Variants in CACNA1H observed in about 807,000 individuals in gnomAD.
The protein encoded by CACNA1H is calcium voltage-gated channel subunit alpha1 H, also known as voltage-dependent T-type calcium channel subunit alpha-1H.
A neutral mutation model predicts 192.5 loss-of-function variants in CACNA1H; 149 were observed. That is an observed-to-expected ratio of 0.77 (90% CI 0.68 to 0.89). The LOEUF (loss-of-function observed/expected upper bound fraction) is 0.89, where lower values mean the gene tolerates loss of function less well. Among genes scored for constraint, CACNA1H ranks in the 40% least tolerant of loss-of-function variants. The pLI, the probability that CACNA1H is intolerant of heterozygous loss-of-function variation, is 0.00. For missense variants in CACNA1H, 4,257 were observed against 3,423.5 expected, an observed-to-expected ratio of 1.24 and a Z score of -6.08; for synonymous variants, 2,202 against 1,475.2, an observed-to-expected ratio of 1.49 and a Z score of -11.29.
chr16:1,158,471 C>G (rs1340474869), intron 2 of CACNA1H, among the ~76,000 whole-genome samples: 1 of 152,140 alleles, frequency 6.6e-6, no homozygotes, highest in Non-Finnish European at 1.5e-5. Flanking sequence ...GTCTGCCGAG[C>G]GCCTGTCGTA....
At chr16:1,185,493 C>A (rs1965897052) in intron 2 of CACNA1H, among the ~76,000 whole-genome samples, 1 of 145,176 alleles carries the variant, frequency 6.9e-6, no homozygotes, top group African/African-American at 2.8e-5. Flanking sequence ...ACGCTGCCAT[C>A]TGCAGAGTCC....
At chr16:1,185,588 T>G in intron 2 of CACNA1H, among the ~76,000 whole-genome samples, 2 of 76,646 alleles carry the variant, frequency 2.6e-5, no homozygotes, top group Non-Finnish European at 5.1e-5. Flanking sequence ...GGCGGGTGAG[T>G]AGACGGTCAG....
At chr16:1,164,903 C>T (rs867586553) in intron 2 of CACNA1H, among the ~76,000 whole-genome samples, 14 of 152,232 alleles carry the variant, frequency 9.2e-5, no homozygotes, top group African/African-American at 2.9e-4. Flanking sequence ...TGGGTCGAGT[C>T]GCCCCTTTTG....
At position 1,215,363 on chromosome 16, in the gene CACNA1H, C is replaced by T. The variant is rs778448413; in HGVS notation, c.5161C>T (p.Arg1721Cys). The change falls in exon 29 of 35, where the codon CGC becomes TGC. Residue 1721 changes from arginine (R) to cysteine (C), a missense_variant. Transcript: ENST00000348261. ...PTIIRIMRVLRIARVLKLLKM... is the reference protein window; with the variant it reads ...PTIIRIMRVLCIARVLKLLKM... ...CATCATCCGCATCATGCGCGTGCTT[C>T]GCATTGCCCGTGGTAGGTGCCCGCG... The T allele has an allele frequency of 1.4e-5, 22 of 1,610,988 alleles. No homozygotes were observed. Among genetic ancestry groups the T allele is most frequent in the East Asian group, 2.2e-5 (1 of 44,840 alleles).
rs759107717 is a variant in CACNA1H, at chr16:1,200,373, C to G, written c.921C>G (p.Gly307=). 2 of 1,600,500 alleles carry G rather than the reference C, an allele frequency of 1.2e-6. No individual in the cohort carries two copies. Among genetic ancestry groups the G allele is most frequent in the African/African-American group, 1.3e-5 (1 of 74,626 alleles). ...TGCAGAAGTGCTCGCACATCCCCGG[C>G]CGCCGCGAGCTGCGCATGCCCTGCA... ...NGMQKCSHIP[G]RRELRMPCTL... Residue 307 remains glycine, a synonymous_variant, in exon 7 of 35, where the codon GGC becomes GGG. Coordinates refer to ENST00000348261, the MANE Select transcript of CACNA1H (RefSeq NM_021098.3).
At chr16:1,216,447 CAAG>C (rs1241572677) in intron 30 of CACNA1H, among the ~76,000 whole-genome samples, 1 of 152,200 alleles carries the variant, frequency 6.6e-6, no homozygotes, top group Non-Finnish European at 1.5e-5. Flanking sequence ...GGGTGGCTCA[CAAG>C]AGAGCCGTGG....
chr16:1,160,094 C>G (rs753196340), intron 2 of CACNA1H: 1 of 152,334 alleles, frequency 6.6e-6, no homozygotes, highest in Non-Finnish European at 1.5e-5. Flanking sequence ...GTCCAAGCCA[C>G]GGTCGCACAG....
chr16:1,204,153 G>A lies in CACNA1H; in HGVS notation c.2146G>A (p.Gly716Ser), dbSNP rs187225648. Residue 716 changes from glycine to serine, a missense_variant, in exon 10 of 35, where the codon GGC becomes AGC. Coordinates refer to ENST00000348261, the MANE Select transcript of CACNA1H (RefSeq NM_021098.3). ...GGAGGACCCGGAGGGTGAGCTCAGC[G>A]GCTCGGAAAGTGGAGACTCAGATGG... ...ALEDPEGELS[G>S]SESGDSDGRG... 7.9e-5 allele frequency: 128 copies of A among 1,612,354 alleles called. No homozygotes were observed. In the African/African-American group the frequency reaches 1.4e-3, roughly 18 times the overall value.
At chr16:1,175,491 C>T (rs1283571633) in intron 2 of CACNA1H, among the ~76,000 whole-genome samples, 1 of 152,020 alleles carries the variant, frequency 6.6e-6, no homozygotes, top group South Asian at 2.1e-4. Context: ...GCTGGATGCA[C>T]CCCTGCCCCT....
chr16:1,162,465 C>T (rs1301535188), intron 2 of CACNA1H, among the ~76,000 whole-genome samples: 1 of 152,162 alleles, frequency 6.6e-6, no homozygotes, highest in South Asian at 2.1e-4. Context: ...CGCGATTGGT[C>T]GCCCACTGTT....
At position 1,207,049 on chromosome 16, in the gene CACNA1H, C is replaced by T; in HGVS notation, c.2838C>T (p.Asp946=). 1.9e-6 allele frequency: 3 copies of T among 1,602,214 alleles called. No individual in the cohort carries two copies. The highest frequency in any genetic ancestry group is 2.6e-6 in the Non-Finnish European group (3 of 1,174,528). Residue 946 remains aspartate, a synonymous_variant, in exon 13 of 35, where the codon GAC becomes GAT. Transcript: ENST00000348261. ...GCTGCAAGTTCAGCCTGAAGACAGA[C>T]ACCGGAGACACCGTGCCTGACAGGA... The part of the protein sequence containing the change: ...LFGCKFSLKT[D]TGDTVPDRKN...
At chr16:1,154,463 A>G (rs1443888833) in intron 2 of CACNA1H, among the ~76,000 whole-genome samples, 2 of 152,104 alleles carry the variant, frequency 1.3e-5, no homozygotes, top group Non-Finnish European at 2.9e-5. Flanking sequence ...GGGGGAGGCC[A>G]GAGGAGCTGG....
chr16:1,156,749 C>A (rs1455582834), intron 2 of CACNA1H, among the ~76,000 whole-genome samples: 1 of 151,986 alleles, frequency 6.6e-6, no homozygotes, highest in Non-Finnish European at 1.5e-5. Context: ...CAGCTGCTGT[C>A]CGCCGGGCCC....
chr16:1,205,279 C>G lies in CACNA1H; in HGVS notation c.2603+14C>G, dbSNP rs369405998. 160 of 1,588,642 alleles carry G rather than the reference C, an allele frequency of 1.0e-4. No individual in the cohort carries two copies. Among genetic ancestry groups the G allele is most frequent in the Non-Finnish European group, 1.3e-4 (151 of 1,162,144 alleles). On this transcript the variant is annotated intron_variant, in intron 11 of 34. Transcript: ENST00000348261. ...CGTGGTCATCAGGTGGGTCCCCACC[C>G]TCTCCCCAGGAAGAGGGGCCCGGGA...
Position 1,202,176 on chromosome 16 carries a change from T to C in CACNA1H, c.1726T>C (p.Tyr576His), listed in dbSNP as rs1397304606. The C allele has an allele frequency of 5.8e-6, 9 of 1,552,228 alleles. No homozygotes were observed. Among genetic ancestry groups the C allele is most frequent in the Non-Finnish European group, 7.8e-6 (9 of 1,148,704 alleles). The change falls in exon 9 of 35, where the codon TAC becomes CAC. Residue 576 changes from tyrosine to histidine, a missense_variant. Coordinates refer to ENST00000348261, the MANE Select transcript of CACNA1H (RefSeq NM_021098.3). Reference protein sequence around the residue: ...PPDAESVHSIYHADCHIEGPQ... With the variant: ...PPDAESVHSIHHADCHIEGPQ... Reference sequence around the variant, plus strand: ...CGACGCAGAGTCTGTGCACAGCATCTACCATGCCGACTGCCACATAGAGGG... The same window carrying C: ...CGACGCAGAGTCTGTGCACAGCATCCACCATGCCGACTGCCACATAGAGGG...
At chr16:1,176,499 G>T (rs921814834) in intron 2 of CACNA1H, among the ~76,000 whole-genome samples, 1 of 152,216 alleles carries the variant, frequency 6.6e-6, no homozygotes, top group East Asian at 1.9e-4. Context: ...CCTGTGGCTC[G>T]GGCTGAGGAG....
intron 9 of CACNA1H, among the ~76,000 whole-genome samples, chr16:1,202,943 C>A (rs1968161691): frequency 6.6e-6 from 1 of 151,996 alleles, no homozygotes. Context: ...GTGGGGTTCT[C>A]CTATGCGGGG....
At chr16:1,217,334 C>G (rs893910101) in intron 31 of CACNA1H, among the ~76,000 whole-genome samples, 14 of 152,246 alleles carry the variant, frequency 9.2e-5, no homozygotes, top group African/African-American at 3.4e-4. Context: ...TGGAAACACA[C>G]GCCATGCCCA....
chr16:1,200,796 C>G lies in CACNA1H; in HGVS notation c.1200C>G (p.Ile400Met), dbSNP rs762744363. 10 of 1,551,906 alleles carry G rather than the reference C, an allele frequency of 6.4e-6. No homozygotes were observed. The highest frequency in any genetic ancestry group is 8.7e-6 in the Non-Finnish European group (10 of 1,147,238). The change falls in exon 8 of 35, where the codon ATC becomes ATG. Residue 400 changes from isoleucine (I) to methionine (M), a missense_variant. Coordinates refer to ENST00000348261, the MANE Select transcript of CACNA1H (RefSeq NM_021098.3). Reference protein sequence around the residue: ...AHSFYNFIYFILLIIVGSFFM... With the variant: ...AHSFYNFIYFMLLIIVGSFFM... ...CATTCTACAACTTCATCTATTTCAT[C>G]CTGCTCATCATCGTGAGTGTGGGCG...
Sources: allele counts gnomAD v4.1 joint callset (sites outside exome capture counted in the v4.1 genomes callset), GRCh38; gene constraint gnomAD v4.1.1; transcripts MANE v1.5; gene names NCBI Gene and HGNC (gene_info 2026-07-23, HGNC 2026-07-21).